The following NSUN3 variants were observed in gnomAD, a reference collection of about 807,000 sequenced individuals.
NSUN3 encodes the protein tRNA (cytosine(34)-C(5))-methyltransferase, mitochondrial.
A neutral mutation model predicts 36.8 loss-of-function variants in NSUN3; 24 were observed. The ratio of observed to expected loss-of-function variants is 0.65; its 90% CI spans 0.47 to 0.92. The LOEUF (loss-of-function observed/expected upper bound fraction) is 0.92. Ranked by LOEUF, NSUN3 falls within the 40% of genes least tolerant of loss-of-function variation. The pLI is 0.00. For synonymous variants in NSUN3, 146 were observed against 145.2 expected (o/e 1.01, Z -0.04); for missense variants, 381 against 392.8 (o/e 0.97, Z 0.25).
At chr3:94,089,684 G>A (rs537112488) in intron 3 of NSUN3, among the ~76,000 whole-genome samples, 7 of 152,328 alleles carry the variant, frequency 4.6e-5, no homozygotes, top group African/African-American at 9.6e-5. Context: ...GCAAGACACC[G>A]GAAGTGGGCC....
chr3:94,110,491 G>A (rs1286617750), intron 5 of NSUN3, among the ~76,000 whole-genome samples: 1 of 152,016 alleles, frequency 6.6e-6, no homozygotes, highest in African/African-American at 2.4e-5. Context: ...CCTGAGCAGA[G>A]CTGTGTTCTT....
At chr3:94,076,396 A>G in intron 2 of NSUN3, 1 of 804,210 alleles carries the variant, frequency 1.2e-6, no homozygotes, top group South Asian at 1.3e-5. Flanking sequence ...GTTTGGAAGT[A>G]TTGTTTGAAC....
chr3:94,093,689 G>A (rs1287454472), intron 3 of NSUN3, among the ~76,000 whole-genome samples: 1 of 152,216 alleles, frequency 6.6e-6, no homozygotes, highest in Non-Finnish European at 1.5e-5. Context: ...AAGCTTTTAA[G>A]CCAGGACAGT....
intron 2 of NSUN3, among the ~76,000 whole-genome samples, chr3:94,079,576 A>C (rs2077260016): frequency 6.6e-6 from 1 of 151,994 alleles, no homozygotes; most frequent in African/African-American, 2.4e-5. Flanking sequence ...TCAAATGTAG[A>C]TTTGGTCTTT....
At chr3:94,075,764 C>A in intron 2 of NSUN3, 1 of 683,568 alleles carries the variant, frequency 1.5e-6, no homozygotes. Flanking sequence ...AAAACACCCA[C>A]TGTTTGGGCT....
chr3:94,093,042 G>T (rs1429890666), intron 3 of NSUN3, among the ~76,000 whole-genome samples: 2 of 151,882 alleles, frequency 1.3e-5, no homozygotes, highest in Non-Finnish European at 2.9e-5. Context: ...GTATGTTTGG[G>T]AAATGGAGTA....
At chr3:94,070,389 A>C (rs1044844205) in intron 2 of NSUN3, among the ~76,000 whole-genome samples, 1 of 152,140 alleles carries the variant, frequency 6.6e-6, no homozygotes, top group African/African-American at 2.4e-5. Flanking sequence ...TGAGTCCAGG[A>C]GGTCGAGGCT....
rs2077332788 is a variant in NSUN3 at position 94,095,214 on chromosome 3, T to C, written c.743+60T>C. On this transcript the variant is annotated intron_variant, in intron 5 of 5. Transcript: ENST00000314622. Reference sequence around the variant, plus strand: ...TCTGATGTAATTTACACAGGCATAATAGAACATGTCAGGCCCCCAGTGGAG... The same window carrying C: ...TCTGATGTAATTTACACAGGCATAACAGAACATGTCAGGCCCCCAGTGGAG... 6.5e-6 allele frequency: 10 copies of C among 1,546,492 alleles called. No individual in the cohort carries two copies. The East Asian group carries it at 2.1e-4, about 32-fold the overall frequency.
intron 2 of NSUN3, chr3:94,076,213 C>T: frequency 1.1e-6 from 1 of 918,918 alleles, no homozygotes; most frequent in East Asian, 2.4e-5. Context: ...GAGGTGACTA[C>T]TGAACCTGGA....
chr3:94,104,022 C>G (rs962158401), intron 5 of NSUN3, among the ~76,000 whole-genome samples: 2 of 152,156 alleles, frequency 1.3e-5, no homozygotes, highest in African/African-American at 4.8e-5. Flanking sequence ...GAGGATAGTT[C>G]TTATTTATGG....
At chr3:94,077,424 T>G (rs1262184867) in intron 2 of NSUN3, among the ~76,000 whole-genome samples, 1 of 152,306 alleles carries the variant, frequency 6.6e-6, no homozygotes, top group African/African-American at 2.4e-5. Flanking sequence ...CTCTGCCAGG[T>G]TTTTGTGTCA....
chr3:94,098,573 G>A (rs140027514), intron 5 of NSUN3, among the ~76,000 whole-genome samples: 20 of 152,222 alleles, frequency 1.3e-4, no homozygotes, highest in African/African-American at 4.3e-4. Context: ...ACTTCATACT[G>A]TTAGTGTAAT....
At position 94,109,163 on chromosome 3, in the gene NSUN3, A is replaced by AC. The variant is rs1454521788; in HGVS notation, c.743+14009_743+14010insC. The stretch of plus-strand genomic sequence containing the variant: ...TGAGCTCTGAAGTGGGTCTAGGTGA[A>AC]GAGACCATTTTTATTCACTTTTTTT... On this transcript the variant is annotated intron_variant, in intron 5 of 5. Coordinates refer to ENST00000314622, the MANE Select transcript of NSUN3 (RefSeq NM_022072.5). 5.9e-5 allele frequency among the ~76,000 whole-genome samples: 9 copies of AC among 152,346 alleles called. No individual in the cohort carries two copies. In the East Asian group the frequency reaches 1.7e-3, roughly 29 times the overall value.
chr3:94,113,457 G>C (rs1025805239), intron 5 of NSUN3, among the ~76,000 whole-genome samples: 1 of 151,852 alleles, frequency 6.6e-6, no homozygotes, highest in Non-Finnish European at 1.5e-5. Context: ...CTTAACGTCA[G>C]GTAAAAAAGG....
intron 5 of NSUN3, among the ~76,000 whole-genome samples, chr3:94,112,416 G>T (rs1358180143): frequency 6.6e-6 from 1 of 152,170 alleles, no homozygotes; most frequent in Non-Finnish European, 1.5e-5. Context: ...TTCAGTATTA[G>T]TTAAGACAGT....
intron 5 of NSUN3, among the ~76,000 whole-genome samples, chr3:94,102,983 T>C (rs1403272080): frequency 6.6e-6 from 1 of 152,128 alleles, no homozygotes; most frequent in East Asian, 1.9e-4. Flanking sequence ...GCCTCCTGGA[T>C]TCAAGCAATT....
chr3:94,105,822 T>G (rs2077386488), intron 5 of NSUN3, among the ~76,000 whole-genome samples: 1 of 152,066 alleles, frequency 6.6e-6, no homozygotes, highest in Non-Finnish European at 1.5e-5. Context: ...TCTCCATTCA[T>G]AAGCACATTT....
At chr3:94,089,273 G>A (rs1207573465) in intron 3 of NSUN3, among the ~76,000 whole-genome samples, 3 of 152,130 alleles carry the variant, frequency 2.0e-5, no homozygotes, top group Non-Finnish European at 4.4e-5. Context: ...ATCATCAGGC[G>A]ATGACTTAGC....
intron 5 of NSUN3, among the ~76,000 whole-genome samples, chr3:94,103,643 C>G (rs1192695393): frequency 2.0e-5 from 3 of 151,860 alleles, no homozygotes; most frequent in Non-Finnish European, 4.4e-5. Context: ...CAATTGATAT[C>G]TTTTTCCACT....
Sources: gnomAD v4.1 joint callset for allele counts (sites outside exome capture counted in the v4.1 genomes callset) on GRCh38, gnomAD v4.1.1 for gene constraint, MANE v1.5 for transcripts, NCBI Gene and HGNC (gene_info 2026-07-23, HGNC 2026-07-21) for gene names.